The following NIPAL3 variants were observed in gnomAD, a reference collection of about 807,000 sequenced individuals.
NIPAL3 encodes the protein NIPA-like protein 3.
NIPAL3 carries 41 observed loss-of-function variants against 47.2 expected under a neutral mutation model. That is an observed-to-expected ratio of 0.87 (90% CI 0.68 to 1.13). The LOEUF (loss-of-function observed/expected upper bound fraction) is 1.13. Ranked by LOEUF, NIPAL3 falls within the 50% of genes most tolerant of loss-of-function variation. NIPAL3 has a pLI of 0.00. For synonymous variants in NIPAL3, 194 were observed against 209.6 expected (o/e 0.93, Z 0.64); for missense variants, 449 against 530.1 (o/e 0.85, Z 1.50).
At chr1:24,442,249 C>A in intron 4 of NIPAL3, 23 bp downstream of exon 4, 3 of 1,610,366 alleles carry the variant, frequency 1.9e-6, no homozygotes, top group Non-Finnish European at 2.5e-6. Context: ...CTGCCCCACC[C>A]TCCCCTGGGG....
intron 9 of NIPAL3, among the ~76,000 whole-genome samples, chr1:24,459,277 C>T (rs1056896746): frequency 1.8e-4 from 28 of 152,188 alleles, no homozygotes; most frequent in Non-Finnish European, 4.4e-5. Context: ...CTATGCCATA[C>T]TGTGTGTACT....
Position 24,419,314 on chromosome 1 carries a change from C to T in NIPAL3, c.-234C>T. The stretch of plus-strand genomic sequence containing the variant: ...AGAGCACCGCAAGAACTGGAAAACA[C>T]ACCCCTCTCTGTCTGCCTGGGAGAG... On this transcript the variant is annotated 5_prime_UTR_variant, in exon 2 of 12. Coordinates refer to ENST00000374399, the MANE Select transcript of NIPAL3 (RefSeq NM_020448.5). 1 of 1,243,210 alleles carries T rather than the reference C, an allele frequency of 8.0e-7. No homozygotes were observed. Among genetic ancestry groups the T allele is most frequent in the Non-Finnish European group, 1.0e-6 (1 of 993,176 alleles). The allele number at this position is 1,243,210 out of a possible 1,614,324, so 77.0% of individuals were successfully genotyped here.
intron 11 of NIPAL3, 88 bp from the exon 12 acceptor site, chr1:24,468,898 T>C (rs1646808212): frequency 1.7e-6 from 2 of 1,210,368 alleles, no homozygotes; most frequent in Non-Finnish European, 2.4e-6. Context: ...CTGAGCACTA[T>C]AATTAGTCTG....
At chr1:24,465,427 A>G (rs195724) in intron 11 of NIPAL3, 46,872 of 145,344 alleles carry the variant, frequency 0.32, 7,195 homozygotes, top group Middle Eastern at 0.37. Flanking sequence ...TTGTGTGTGT[A>G]TATATATATA....
chr1:24,453,331 GCC>G lies in NIPAL3; in HGVS notation c.541-75_541-74del, dbSNP rs1570339657. 14 of 959,304 alleles carry G rather than the reference GCC, an allele frequency of 1.5e-5. No homozygotes were observed. In the East Asian group the frequency reaches 3.4e-4, roughly 24 times the overall value. 59.4% of individuals were successfully genotyped at this position (959,304 alleles called of 1,614,324 possible). On this transcript the variant is annotated intron_variant, in intron 6 of 11. Coordinates refer to ENST00000374399, the MANE Select transcript of NIPAL3 (RefSeq NM_020448.5). Reference sequence around the variant, plus strand: ...TTTCAACCCTGTGACTCTGGTGATGGCCCAGCCCACCAGGGTCTCCCGGTCTC... The same window carrying G: ...TTTCAACCCTGTGACTCTGGTGATGGCAGCCCACCAGGGTCTCCCGGTCTC...
chr1:24,421,359 A>G (rs1256924327), intron 2 of NIPAL3, among the ~76,000 whole-genome samples: 2 of 152,092 alleles, frequency 1.3e-5, no homozygotes, highest in Non-Finnish European at 2.9e-5. Flanking sequence ...CTCAAAAAAA[A>G]AGAAAGAAAA....
At chr1:24,435,276 G>A (rs905267497) in intron 2 of NIPAL3, among the ~76,000 whole-genome samples, 2 of 152,188 alleles carry the variant, frequency 1.3e-5, no homozygotes, top group African/African-American at 2.4e-5. Flanking sequence ...GGATCGGAGA[G>A]CTAAATGTAA....
At chr1:24,442,736 A>G (rs1645453878) in intron 4 of NIPAL3, among the ~76,000 whole-genome samples, 1 of 152,198 alleles carries the variant, frequency 6.6e-6, no homozygotes, top group African/African-American at 2.4e-5. Flanking sequence ...GGATCGCTTG[A>G]GGCCAGGAGT....
At chr1:24,458,578 G>A (rs1042819527) in intron 8 of NIPAL3, among the ~76,000 whole-genome samples, 1 of 151,938 alleles carries the variant, frequency 6.6e-6, no homozygotes, top group Admixed American at 6.6e-5. Flanking sequence ...GTGGGGATAC[G>A]GGGGGTGAGG....
chr1:24,427,900 C>CA (rs1297359296), intron 2 of NIPAL3, among the ~76,000 whole-genome samples: 1 of 152,174 alleles, frequency 6.6e-6, no homozygotes, highest in Non-Finnish European at 1.5e-5. Flanking sequence ...GCTTCTCCAC[C>CA]AGGCTAGCCA....
At chr1:24,440,529 A>G (rs1645330423) in intron 3 of NIPAL3, among the ~76,000 whole-genome samples, 1 of 152,160 alleles carries the variant, frequency 6.6e-6, no homozygotes, top group African/African-American at 2.4e-5. Context: ...CCTTGCTGCA[A>G]AGCTGCTGGA....
chr1:24,441,021 T>C (rs1045023340), intron 3 of NIPAL3, among the ~76,000 whole-genome samples: 2 of 152,172 alleles, frequency 1.3e-5, no homozygotes, highest in Non-Finnish European at 2.9e-5. Context: ...CCTGGAATTA[T>C]CTCATACAGA....
intron 2 of NIPAL3, among the ~76,000 whole-genome samples, chr1:24,435,200 C>A (rs974948634): frequency 6.6e-6 from 1 of 152,138 alleles, no homozygotes; most frequent in Non-Finnish European, 1.5e-5. Context: ...ACTGGATATC[C>A]ACATGTACAA....
At chr1:24,468,016 AAAGTAATCGGCCTGG>A (rs1369851983) in intron 11 of NIPAL3, among the ~76,000 whole-genome samples, 1 of 152,014 alleles carries the variant, frequency 6.6e-6, no homozygotes, top group African/African-American at 2.4e-5. Flanking sequence ...GTTGGCCTCA[AAAGTAATCGGCCTGG>A]CGAAATGGCT....
chr1:24,422,309 G>C (rs1644371225), intron 2 of NIPAL3, among the ~76,000 whole-genome samples: 1 of 152,082 alleles, frequency 6.6e-6, no homozygotes, highest in African/African-American at 2.4e-5. Context: ...CTGAGAACTG[G>C]GAGACCTGAG....
chr1:24,457,532 C>CT (rs1646271392), intron 8 of NIPAL3, among the ~76,000 whole-genome samples: 1 of 152,226 alleles, frequency 6.6e-6, no homozygotes, highest in Non-Finnish European at 1.5e-5. Context: ...GAGCCCAGCT[C>CT]TTTTCTCAGT....
chr1:24,467,423 T>A (rs1028513642), intron 11 of NIPAL3, among the ~76,000 whole-genome samples: 2 of 151,826 alleles, frequency 1.3e-5, no homozygotes, highest in African/African-American at 4.8e-5. Context: ...TGAGCTGAGA[T>A]CACGCCACTG....
Position 24,419,524 on chromosome 1 carries a change from T to C in NIPAL3, c.-24T>C, listed in dbSNP as rs1012818577. 9 of 1,600,040 alleles carry C rather than the reference T, an allele frequency of 5.6e-6. No homozygotes were observed. Among genetic ancestry groups the C allele is most frequent in the Admixed American group, 3.4e-5 (2 of 58,576 alleles). ...CAGCTCCACCTCCTAGGCCAGGCCC[T>C]GTGGGATGCGCCACTAGACCACCAT... On this transcript the variant is annotated 5_prime_UTR_variant, in exon 2 of 12. Transcript: ENST00000374399.
At chr1:24,464,197 C>G (rs932945126) in intron 11 of NIPAL3, 77 bp downstream of exon 11, 11 of 1,092,360 alleles carry the variant, frequency 1.0e-5, no homozygotes, top group African/African-American at 1.6e-5. Flanking sequence ...AAGAGACAAC[C>G]AACTGCTGTG....
Sources: allele counts gnomAD v4.1 joint callset (sites outside exome capture counted in the v4.1 genomes callset), GRCh38; gene constraint gnomAD v4.1.1; transcripts MANE v1.5; gene names NCBI Gene and HGNC (gene_info 2026-07-23, HGNC 2026-07-21).